Variants in PGM2 observed in about 807,000 individuals in gnomAD.
The protein encoded by PGM2 is phosphopentomutase.
Under a neutral mutation model 74.6 loss-of-function variants are expected in PGM2, and 57 were observed. The ratio of observed to expected loss-of-function variants is 0.76; its 90% CI spans 0.62 to 0.95. The LOEUF is 0.95. Ranked by LOEUF, PGM2 falls within the 40% of genes least tolerant of loss-of-function variation. The pLI is 0.00. For synonymous variants in PGM2, 273 were observed against 260.7 expected (o/e 1.05, Z -0.46); for missense variants, 706 against 741.9 (o/e 0.95, Z 0.56).
chr4:37,857,770 A>G (rs1711578490), intron 13 of PGM2, among the ~76,000 whole-genome samples: 1 of 152,228 alleles, frequency 6.6e-6, no homozygotes, highest in Non-Finnish European at 1.5e-5. Flanking sequence ...GTGAACATAT[A>G]AAAGCTCATT....
At chr4:37,832,268 T>C (rs1725461017) in intron 2 of PGM2, among the ~76,000 whole-genome samples, 1 of 152,246 alleles carries the variant, frequency 6.6e-6, no homozygotes, top group Non-Finnish European at 1.5e-5. Context: ...AGTATATCTT[T>C]AAAATCTTAG....
chr4:37,828,842 G>C (rs1384327428), intron 1 of PGM2, among the ~76,000 whole-genome samples: 2 of 152,006 alleles, frequency 1.3e-5, no homozygotes, highest in Non-Finnish European at 2.9e-5. Flanking sequence ...GCCTTTCTTT[G>C]GGGCACCTGA....
Position 37,826,825 on chromosome 4 carries a change from C to G in PGM2, c.81+12C>G. The G allele has an allele frequency of 6.5e-7, 1 of 1,530,618 alleles. No individual in the cohort carries two copies. The allele number at this position is 1,530,618 out of a possible 1,614,324, so 94.8% of individuals were successfully genotyped here. ...TGCGCTGGGACAAGGTGAGGGGCAC[C>G]AGCAGGCGGGGAGCGCCTGGAGCGG... is the stretch of plus-strand genomic sequence containing the variant. On this transcript the variant is annotated intron_variant, in intron 1 of 13. Transcript: ENST00000381967.
intron 13 of PGM2, among the ~76,000 whole-genome samples, chr4:37,857,827 G>T (rs1711579817): frequency 6.6e-6 from 1 of 152,158 alleles, no homozygotes; most frequent in Non-Finnish European, 1.5e-5. Context: ...TATTATGCAA[G>T]AATCTTGTTT....
intron 12 of PGM2, 45 bp downstream of exon 12, chr4:37,850,418 C>A (rs752821027): frequency 1.8e-6 from 2 of 1,083,794 alleles, no homozygotes; most frequent in Admixed American, 3.2e-5. Context: ...TTCTATTTAC[C>A]TTTTAAAATA....
intron 6 of PGM2, among the ~76,000 whole-genome samples, chr4:37,843,336 C>A (rs2152177815): frequency 6.6e-6 from 1 of 152,126 alleles, no homozygotes; most frequent in Admixed American, 6.5e-5. Flanking sequence ...ATTTATTTTC[C>A]AAGATGCATT....
chr4:37,861,271 G>A (rs1711761879), intron 13 of PGM2, among the ~76,000 whole-genome samples: 1 of 152,148 alleles, frequency 6.6e-6, no homozygotes, highest in Admixed American at 6.6e-5. Context: ...GGATAACTTT[G>A]TTTATAGTTC....
Position 37,839,923 on chromosome 4 carries a change from G to C in PGM2, c.517G>C (p.Gly173Arg). Residue 173 changes from glycine (G) to arginine (R), a missense_variant, in exon 5 of 14, where the codon GGT becomes CGT. Physicochemically the swap from Gly to Arg is moderately radical, Grantham distance 125. This residue lies in a region of PGM2 where 332 missense variants were observed against 334.9 expected (regional missense o/e 0.99). Coordinates refer to ENST00000381967, the MANE Select transcript of PGM2 (RefSeq NM_018290.4). ...ATCTCACAATCCAAAGCAGGATAAT[G>C]GTTATAAGGTATTTTCCTTTTTCTA... ...TASHNPKQDN[G>R]YKVYWDNGAQ... The C allele has an allele frequency of 1.3e-6, 2 of 1,591,868 alleles. No homozygotes were observed. The highest frequency in any genetic ancestry group is 1.7e-6 in the Non-Finnish European group (2 of 1,160,082).
At chr4:37,858,470 G>A (rs1989324) in intron 13 of PGM2, among the ~76,000 whole-genome samples, 114,153 of 150,814 alleles carry the variant, frequency 0.76, 43,792 homozygotes, top group African/African-American at 0.88. Context: ...CTGAGTAGCT[G>A]AGATTACAGA....
chr4:37,854,417 C>T (rs372238595), intron 12 of PGM2, among the ~76,000 whole-genome samples: 45 of 152,024 alleles, frequency 3.0e-4, no homozygotes, highest in Middle Eastern at 3.4e-3. Context: ...GTGGCGCAAT[C>T]TCGGCTCACT....
At chr4:37,854,103 C>G (rs1726124093) in intron 12 of PGM2, among the ~76,000 whole-genome samples, 1 of 152,142 alleles carries the variant, frequency 6.6e-6, no homozygotes, top group South Asian at 2.1e-4. Flanking sequence ...TTCTCTGGGT[C>G]CCACCAGACC....
At chr4:37,844,694 G>A in intron 7 of PGM2, 141 bp downstream of exon 7, 1 of 612,996 alleles carries the variant, frequency 1.6e-6, no homozygotes, top group Admixed American at 3.0e-5. Context: ...TTGGCTGGGT[G>A]CAGCGTCTCA....
intron 2 of PGM2, among the ~76,000 whole-genome samples, chr4:37,831,061 G>T (rs1725429062): frequency 6.6e-6 from 1 of 151,972 alleles, no homozygotes; most frequent in Admixed American, 6.6e-5. Context: ...AGGCGTGGTG[G>T]TGTGCACCTG....
intron 3 of PGM2, 137 bp downstream of exon 3, chr4:37,834,861 T>C (rs531346277): frequency 2.2e-6 from 1 of 462,556 alleles, no homozygotes; most frequent in African/African-American, 2.0e-5. Flanking sequence ...TAAATTCTCT[T>C]GGCAACTTTT....
intron 2 of PGM2, among the ~76,000 whole-genome samples, chr4:37,830,640 T>G (rs1320400199): frequency 6.6e-6 from 1 of 152,190 alleles, no homozygotes; most frequent in African/African-American, 2.4e-5. Context: ...AGGAGATAAT[T>G]TGACAAAACA....
At position 37,851,729 on chromosome 4, in the gene PGM2, A is replaced by G. The variant is rs1726044285; in HGVS notation, c.1602+1356A>G. Among the ~76,000 whole-genome samples the G allele has an allele frequency of 2.0e-5, 3 of 152,208 alleles. No homozygotes were observed. The South Asian group carries it at 6.2e-4, about 32-fold the overall frequency. On this transcript the variant is annotated intron_variant, in intron 12 of 13. Coordinates refer to ENST00000381967, the MANE Select transcript of PGM2 (RefSeq NM_018290.4). Reference sequence around the variant, plus strand: ...GATGTTTTGATATACCAGTTTTACAATTTGTTGACTTTCTATTTTTGAGAT... The same window carrying G: ...GATGTTTTGATATACCAGTTTTACAGTTTGTTGACTTTCTATTTTTGAGAT...
chr4:37,843,120 A>C (rs534782624), intron 6 of PGM2, among the ~76,000 whole-genome samples: 99 of 151,980 alleles, frequency 6.5e-4, no homozygotes, highest in Admixed American at 2.7e-3. Context: ...TCAGAGTCTG[A>C]CTCCAGAGCG....
chr4:37,836,426 G>A lies in PGM2; in HGVS notation c.357-1103G>A, dbSNP rs79429250. Reference sequence around the variant, plus strand: ...GAAACTATTGCAGTTTCTGAATTTCGCCCGAGGAGATGTTTATCCTTTAAT... The same window carrying A: ...GAAACTATTGCAGTTTCTGAATTTCACCCGAGGAGATGTTTATCCTTTAAT... On this transcript the variant is annotated intron_variant, in intron 3 of 13. Transcript: ENST00000381967. Among the ~76,000 whole-genome samples the A allele has an allele frequency of 0.014, 2,114 of 152,272 alleles. 194 individuals are homozygous for A. In the East Asian group the frequency reaches 0.25, roughly 18 times the overall value.
chr4:37,847,673 A>G (rs1455257333), intron 10 of PGM2, among the ~76,000 whole-genome samples: 1 of 152,162 alleles, frequency 6.6e-6, no homozygotes. Flanking sequence ...GATCTATGCT[A>G]CGGTCTAGCC....
Sources: allele counts gnomAD v4.1 joint callset (sites outside exome capture counted in the v4.1 genomes callset), GRCh38; gene constraint gnomAD v4.1.1; regional missense constraint gnomAD v4.1.1; transcripts MANE v1.5; gene names NCBI Gene and HGNC (gene_info 2026-07-23, HGNC 2026-07-21).